ALDH9A1: variants seen among roughly 807,000 people sequenced by gnomAD.
ALDH9A1 encodes 4-trimethylaminobutyraldehyde dehydrogenase.
A neutral mutation model predicts 56.6 loss-of-function variants in ALDH9A1; 42 were observed. The observed-to-expected ratio is 0.74, with a 90% CI of 0.58 to 0.96. The LOEUF is 0.96. Among genes scored for constraint, ALDH9A1 ranks in the 40% least tolerant of loss-of-function variants. The pLI is 0.00. For missense variants in ALDH9A1, 661 were observed against 651.5 expected, an observed-to-expected ratio of 1.01 and a Z score of -0.16; for synonymous variants, 242 against 236.0, an observed-to-expected ratio of 1.03 and a Z score of -0.23.
chr1:165,692,246 G>C (rs751554867), intron 2 of ALDH9A1, among the ~76,000 whole-genome samples: 2 of 152,184 alleles, frequency 1.3e-5, no homozygotes, highest in Non-Finnish European at 2.9e-5. Flanking sequence ...AAAAAATAAA[G>C]TGTATTCAAT....
At chr1:165,689,276 G>C (rs373961837) in intron 2 of ALDH9A1, among the ~76,000 whole-genome samples, 1 of 152,208 alleles carries the variant, frequency 6.6e-6, no homozygotes, top group Admixed American at 6.5e-5. Context: ...ACACTGACGA[G>C]TTGATTGAAT....
At position 165,696,326 on chromosome 1, in the gene ALDH9A1, C is replaced by G. The variant is rs894742228; in HGVS notation, c.182-929G>C. Among the ~76,000 whole-genome samples, 10 of 152,208 alleles carry G rather than the reference C, an allele frequency of 6.6e-5. 1 individual carries two copies. The highest frequency in any genetic ancestry group is 6.5e-4 in the Admixed American group (10 of 15,272). ...AGAACCCCTGCCCTCTACTATTTTA[C>G]AGTTGAGTTTACTAACATTAACTTC... is the stretch of plus-strand genomic sequence containing the variant. On this transcript the variant is annotated intron_variant, in intron 1 of 10. Transcript: ENST00000354775.
At chr1:165,692,780 C>A (rs930269413) in intron 2 of ALDH9A1, among the ~76,000 whole-genome samples, 11 of 151,680 alleles carry the variant, frequency 7.3e-5, no homozygotes, top group East Asian at 1.9e-4. Flanking sequence ...CAAAAGAACA[C>A]AGCTGGAGGC....
At chr1:165,665,285 G>T in intron 9 of ALDH9A1, 155 bp from the exon 10 acceptor site, 1 of 634,226 alleles carries the variant, frequency 1.6e-6, no homozygotes, top group Non-Finnish European at 2.7e-6. Flanking sequence ...AGGCAAAACA[G>T]ATATGGATTG....
At chr1:165,666,602 T>C (rs1329559317) in intron 9 of ALDH9A1, among the ~76,000 whole-genome samples, 1 of 152,102 alleles carries the variant, frequency 6.6e-6, no homozygotes, top group Non-Finnish European at 1.5e-5. Flanking sequence ...GGTCCTCAAG[T>C]GAGACTTGGG....
chr1:165,688,691 G>C (rs1486943832), intron 2 of ALDH9A1, among the ~76,000 whole-genome samples: 2 of 152,146 alleles, frequency 1.3e-5, no homozygotes, highest in East Asian at 3.9e-4. Flanking sequence ...CTGGGTGACA[G>C]AGCAAGACCC....
At chr1:165,675,329 TCTATA>T (rs1450987336) in intron 6 of ALDH9A1, among the ~76,000 whole-genome samples, 2 of 151,976 alleles carry the variant, frequency 1.3e-5, no homozygotes, top group South Asian at 4.1e-4. Flanking sequence ...TTCTATATAT[TCTATA>T]CTATATGTAT....
chr1:165,696,040 C>T (rs1034644754), intron 1 of ALDH9A1, among the ~76,000 whole-genome samples: 3 of 151,972 alleles, frequency 2.0e-5, no homozygotes, highest in Non-Finnish European at 2.9e-5. Flanking sequence ...TTAGTAGAGA[C>T]GGGATTTCAT....
At chr1:165,670,902 T>A (rs1381405267) in intron 6 of ALDH9A1, among the ~76,000 whole-genome samples, 3 of 151,978 alleles carry the variant, frequency 2.0e-5, no homozygotes, top group African/African-American at 7.2e-5. Context: ...CAAGACGTCA[T>A]CTCTACTAAA....
chr1:165,697,229 T>C (rs1650117961), intron 1 of ALDH9A1, among the ~76,000 whole-genome samples: 1 of 152,254 alleles, frequency 6.6e-6, no homozygotes, highest in Non-Finnish European at 1.5e-5. Flanking sequence ...AAAAGTTTTA[T>C]TTCAGCAAGA....
intron 6 of ALDH9A1, chr1:165,671,788 A>G (rs1437248474): frequency 3.8e-6 from 1 of 260,660 alleles, no homozygotes; most frequent in Admixed American, 5.1e-5. Flanking sequence ...CAAAAAAAAA[A>G]GAATGCAACA....
intron 6 of ALDH9A1, among the ~76,000 whole-genome samples, chr1:165,670,745 G>C (rs1161497750): frequency 2.0e-5 from 3 of 152,118 alleles, no homozygotes; most frequent in African/African-American, 7.2e-5. Flanking sequence ...TATTATATGT[G>C]AGTTTTGAAA....
chr1:165,691,482 C>T (rs1009714196), intron 2 of ALDH9A1, among the ~76,000 whole-genome samples: 11 of 152,222 alleles, frequency 7.2e-5, no homozygotes, highest in Non-Finnish European at 1.5e-4. Context: ...CTCTTCTCCT[C>T]CAAAGGATCG....
intron 6 of ALDH9A1, among the ~76,000 whole-genome samples, chr1:165,675,238 TA>T (rs1182991335): frequency 6.8e-6 from 1 of 146,394 alleles, no homozygotes; most frequent in Non-Finnish European, 1.5e-5. Flanking sequence ...ACGTCACAAT[TA>T]TTTTTAGTGC....
chr1:165,664,508 C>T (rs1281697173), intron 10 of ALDH9A1, among the ~76,000 whole-genome samples: 1 of 152,132 alleles, frequency 6.6e-6, no homozygotes, highest in Admixed American at 6.5e-5. Context: ...TCCTATATGC[C>T]ATCAAGGGTA....
chr1:165,663,961 G>A (rs1050309300), intron 10 of ALDH9A1, among the ~76,000 whole-genome samples: 1 of 152,220 alleles, frequency 6.6e-6, no homozygotes, highest in Non-Finnish European at 1.5e-5. Flanking sequence ...CCAAAGGAAA[G>A]GGAAAGTTAG....
chr1:165,691,218 A>G lies in ALDH9A1; in HGVS notation c.327+4034T>C, dbSNP rs546918622. ...TGTTCTGCAATATTTGCTGTTCTAC[A>G]GCCTCCGCTGGTGATACCCAGGCAA... On this transcript the variant is annotated intron_variant, in intron 2 of 10. Transcript: ENST00000354775. Among the ~76,000 whole-genome samples the G allele has an allele frequency of 1.6e-3, 246 of 152,334 alleles. 1 individual carries two copies. The highest frequency in any genetic ancestry group is 2.7e-3 in the Non-Finnish European group (182 of 68,030).
In ALDH9A1 at chr1:165,662,968, T is replaced by A; in HGVS notation, c.*82A>T. ...CCAAAATTCTGGATGTAAAATAACA[T>A]TCAGTTGTACTGCCTCTGTAAACAG... On this transcript the variant is annotated 3_prime_UTR_variant, in exon 11 of 11. Transcript: ENST00000354775. 1 of 1,226,214 alleles carries A rather than the reference T, an allele frequency of 8.2e-7. No homozygotes were observed. Among genetic ancestry groups the A allele is most frequent in the African/African-American group, 1.5e-5 (1 of 67,266 alleles). The allele number at this position is 1,226,214 out of a possible 1,614,324, so 76.0% of individuals were successfully genotyped here. A position where few individuals can be genotyped will look rare whatever the true frequency, so the allele number is the denominator to read the frequency against.
At chr1:165,674,280 T>G (rs1649272737) in intron 6 of ALDH9A1, among the ~76,000 whole-genome samples, 1 of 148,756 alleles carries the variant, frequency 6.7e-6, no homozygotes, top group Non-Finnish European at 1.5e-5. Context: ...TAGGCATTCT[T>G]TATTCCTTTA....
Sources: gnomAD v4.1 joint callset for allele counts (sites outside exome capture counted in the v4.1 genomes callset) on GRCh38, gnomAD v4.1.1 for gene constraint, MANE v1.5 for transcripts, NCBI Gene and HGNC (gene_info 2026-07-23, HGNC 2026-07-21) for gene names.